Variants in CRYBB1 observed in about 807,000 individuals in gnomAD.
The protein encoded by CRYBB1 is beta-crystallin B1.
Under a neutral mutation model 29.5 loss-of-function variants are expected in CRYBB1, and 16 were observed. The ratio of observed to expected loss-of-function variants is 0.54; its 90% CI spans 0.37 to 0.82. The LOEUF (loss-of-function observed/expected upper bound fraction) is 0.82, where lower values mean the gene tolerates loss of function less well. Among genes scored for constraint, CRYBB1 ranks in the 40% least tolerant of loss-of-function variants. The pLI is 0.00. For synonymous variants in CRYBB1, 127 were observed against 136.7 expected, an observed-to-expected ratio of 0.93 and a Z score of 0.49; for missense variants, 300 against 350.5, an observed-to-expected ratio of 0.86 and a Z score of 1.15.
intron 3 of CRYBB1, among the ~76,000 whole-genome samples, chr22:26,610,397 C>G (rs1031293536): frequency 1.3e-5 from 2 of 152,176 alleles, no homozygotes; most frequent in Admixed American, 6.5e-5. Context: ...CCCCGGACCA[C>G]AGGCCCGTTT....
At chr22:26,613,188 G>C (rs1380590281) in intron 2 of CRYBB1, among the ~76,000 whole-genome samples, 1 of 152,214 alleles carries the variant, frequency 6.6e-6, no homozygotes, top group Non-Finnish European at 1.5e-5. Flanking sequence ...TCCTCACTAA[G>C]CCTCATGTTT....
intron 5 of CRYBB1, 125 bp downstream of exon 5, chr22:26,601,754 G>A (rs1396203674): frequency 1.3e-5 from 20 of 1,500,268 alleles, no homozygotes; most frequent in South Asian, 3.6e-5. Flanking sequence ...AACCAGCACT[G>A]GGAGACTGTG....
At position 26,603,092 on chromosome 22, in the gene CRYBB1, C is replaced by G. The variant is rs1215545685; in HGVS notation, c.433-1071G>C. Among the ~76,000 whole-genome samples the G allele has an allele frequency of 3.6e-5, 5 of 139,170 alleles. 1 individual carries two copies. In the Admixed American group the frequency reaches 3.8e-4, roughly 11 times the overall value. The allele number at this position is 139,170 out of a possible 152,430, so 91.3% of individuals were successfully genotyped here. ...GTGAGCCGAGATCGTGCCACTTGCA[C>G]ACCAACCTGGGCAACAGAGCGAGAC... On this transcript the variant is annotated intron_variant, in intron 4 of 5. Coordinates refer to ENST00000647684, the MANE Select transcript of CRYBB1 (RefSeq NM_001887.4).
chr22:26,601,791 T>C (rs1188022923), intron 5 of CRYBB1, 88 bp downstream of exon 5: 1 of 1,597,346 alleles, frequency 6.3e-7, no homozygotes, highest in Non-Finnish European at 8.5e-7. Context: ...TCTCTAGGAA[T>C]CTGATGTTAT....
intron 2 of CRYBB1, among the ~76,000 whole-genome samples, chr22:26,614,134 A>G (rs188703372): frequency 6.6e-6 from 1 of 152,142 alleles, no homozygotes. Flanking sequence ...TTCATTAGCA[A>G]TTTTAATTTT....
chr22:26,616,967 C>T (rs965469629), intron 1 of CRYBB1, among the ~76,000 whole-genome samples: 18 of 152,232 alleles, frequency 1.2e-4, no homozygotes, highest in African/African-American at 4.3e-4. Flanking sequence ...CCATCCCTAA[C>T]ACTTGCTCTG....
rs372418411 is a variant in CRYBB1 at position 26,612,089 on chromosome 22, G to A, written c.282C>T (p.Ile94=). Reference sequence around the variant, plus strand: ...GTACTCACGGTCCCGCGGAGACAATGATGCTGCGCACACGGTCGAAGCCAC... The same window carrying A: ...GTACTCACGGTCCCGCGGAGACAATAATGCTGCGCACACGGTCGAAGCCAC... ...ADRGFDRVRS[I]IVSAGPWVAF... The change falls in exon 3 of 6, where the codon ATC becomes ATT. Residue 94 remains isoleucine (I), a synonymous_variant. Transcript: ENST00000647684. 1.4e-4 allele frequency: 226 copies of A among 1,613,138 alleles called. No individual in the cohort carries two copies. The highest frequency in any genetic ancestry group is 1.7e-4 in the Non-Finnish European group (206 of 1,179,524).
intron 4 of CRYBB1, among the ~76,000 whole-genome samples, chr22:26,607,088 T>C (rs568704764): frequency 1.4e-5 from 2 of 147,820 alleles, no homozygotes; most frequent in South Asian, 4.3e-4. Context: ...AATGGCATGA[T>C]CTCGGCTCAC....
At chr22:26,607,819 C>G (rs1172921802) in intron 4 of CRYBB1, 70 bp downstream of exon 4, 1 of 1,608,334 alleles carries the variant, frequency 6.2e-7, no homozygotes, top group Non-Finnish European at 8.5e-7. Context: ...TTGCCCTTGT[C>G]AGATCTCAGA....
At position 26,601,869 on chromosome 22, in the gene CRYBB1, G is replaced by A. The variant is rs377043589; in HGVS notation, c.575+10C>T. On this transcript the variant is annotated intron_variant, in intron 5 of 5. Coordinates refer to ENST00000647684, the MANE Select transcript of CRYBB1 (RefSeq NM_001887.4). ...GCAGGGGACGCGGACCTGGCAGGAG[G>A]GATGCTTACGTTCCACTGGAGACCT... The A allele has an allele frequency of 4.3e-6, 7 of 1,611,714 alleles. No homozygotes were observed. The African/African-American group carries it at 9.4e-5, about 22-fold the overall frequency.
intron 3 of CRYBB1, 84 bp downstream of exon 3, chr22:26,611,988 G>A: frequency 2.0e-6 from 2 of 982,050 alleles, no homozygotes; most frequent in South Asian, 1.3e-5. Flanking sequence ...CAGGCACAGA[G>A]CAGATGCTGG....
intron 4 of CRYBB1, among the ~76,000 whole-genome samples, chr22:26,602,942 T>C (rs1056015976): frequency 2.6e-5 from 4 of 151,106 alleles, no homozygotes; most frequent in Non-Finnish European, 5.9e-5. Context: ...GCTAACACGA[T>C]GAAACCCCGT....
At chr22:26,601,330 C>A (rs976605823) in intron 5 of CRYBB1, among the ~76,000 whole-genome samples, 7 of 152,032 alleles carry the variant, frequency 4.6e-5, no homozygotes, top group African/African-American at 1.4e-4. Flanking sequence ...AGATCCTGAG[C>A]GTTCAGAGCA....
At chr22:26,603,720 A>G (rs1251081626) in intron 4 of CRYBB1, among the ~76,000 whole-genome samples, 1 of 151,592 alleles carries the variant, frequency 6.6e-6, no homozygotes, top group Non-Finnish European at 1.5e-5. Flanking sequence ...CCTGACTAAC[A>G]TGGAGAAACC....
At position 26,607,938 on chromosome 22, in the gene CRYBB1, G is replaced by A. The variant is rs201327237; in HGVS notation, c.383C>T (p.Ser128Leu). The A allele has an allele frequency of 4.3e-6, 7 of 1,614,200 alleles. No individual in the cohort carries two copies. The highest frequency in any genetic ancestry group is 2.7e-5 in the African/African-American group (2 of 75,062). ...KGEYPRWNTW[S>L]SSYRSDRLMS... ...GAGCCGATCACTGCGGTAGCTGCTC[G>A]ACCATGTGTTCCAGCGAGGGTACTC... The change falls in exon 4 of 6, where the codon TCG becomes TTG. Residue 128 changes from serine to leucine, a missense_variant. Transcript: ENST00000647684.
At chr22:26,614,545 G>C (rs1929281353) in intron 2 of CRYBB1, among the ~76,000 whole-genome samples, 1 of 152,214 alleles carries the variant, frequency 6.6e-6, no homozygotes, top group South Asian at 2.1e-4. Flanking sequence ...TAGCAGGAAA[G>C]AGATGGTCAC....
intron 2 of CRYBB1, among the ~76,000 whole-genome samples, chr22:26,614,912 A>C (rs1290243757): frequency 6.6e-6 from 1 of 152,162 alleles, no homozygotes. Context: ...TGTATACAAA[A>C]GCAAGCAAGC....
At chr22:26,614,094 G>T (rs1406860630) in intron 2 of CRYBB1, among the ~76,000 whole-genome samples, 1 of 152,144 alleles carries the variant, frequency 6.6e-6, no homozygotes, top group African/African-American at 2.4e-5. Flanking sequence ...CTCCTGATAA[G>T]ATGTTATCAA....
At chr22:26,614,951 C>T (rs1929296322) in intron 2 of CRYBB1, among the ~76,000 whole-genome samples, 2 of 152,006 alleles carry the variant, frequency 1.3e-5, no homozygotes, top group Non-Finnish European at 2.9e-5. Flanking sequence ...GAGGATAGGA[C>T]AGTATTTCCT....
Sources: allele counts gnomAD v4.1 joint callset (sites outside exome capture counted in the v4.1 genomes callset), GRCh38; gene constraint gnomAD v4.1.1; transcripts MANE v1.5; gene names NCBI Gene and HGNC (gene_info 2026-07-23, HGNC 2026-07-21).